The following ASTN2 variants were observed in gnomAD, a reference collection of about 807,000 sequenced individuals.
The protein encoded by ASTN2 is astrotactin-2.
A neutral mutation model predicts 139.8 loss-of-function variants in ASTN2; 54 were observed. The observed-to-expected ratio is 0.39, with a 90% confidence interval of 0.31 to 0.48. The LOEUF (loss-of-function observed/expected upper bound fraction) is 0.48. ASTN2 is among the 20% of genes least tolerant of loss of function. The pLI is 0.95. For synonymous variants in ASTN2, 756 were observed against 719.5 expected (o/e 1.05, Z -0.81); for missense variants, 1,565 against 1,725.1 (o/e 0.91, Z 1.64).
chr9:117,072,178 C>G (rs1347027502), intron 5 of ASTN2, among the ~76,000 whole-genome samples: 2 of 152,194 alleles, frequency 1.3e-5, no homozygotes, highest in Admixed American at 6.5e-5. Flanking sequence ...CAAGATACCC[C>G]CTAGTCCGTT....
intron 3 of ASTN2, among the ~76,000 whole-genome samples, chr9:117,155,103 G>A (rs1335901266): frequency 2.0e-5 from 3 of 151,974 alleles, no homozygotes; most frequent in African/African-American, 7.2e-5. Context: ...AAGCATGTAT[G>A]GAGGCTGCTG....
intron 19 of ASTN2, among the ~76,000 whole-genome samples, chr9:116,520,048 A>T (rs10817901): frequency 6.6e-6 from 1 of 151,904 alleles, no homozygotes; most frequent in African/African-American, 2.4e-5. Flanking sequence ...CAGGACCAGA[A>T]AGATTAACAG....
chr9:116,732,686 G>A (rs1828820333), intron 14 of ASTN2, among the ~76,000 whole-genome samples: 1 of 152,202 alleles, frequency 6.6e-6, no homozygotes, highest in Non-Finnish European at 1.5e-5. Flanking sequence ...TCCTGGGGTT[G>A]GACAGAAAAT....
rs1229735412 is a variant in ASTN2, at chr9:116,424,106, A to C, written c.*1745T>G. 1.3e-5 allele frequency among the ~76,000 whole-genome samples: 2 copies of C among 152,218 alleles called. No individual in the cohort carries two copies. The highest frequency in any genetic ancestry group is 2.9e-5 in the Non-Finnish European group (2 of 68,040). ...TATTTGAGCTAATATGAGGGTGTTA[A>C]GAATTTATAACATCTCTTCATACTC... On this transcript the variant is annotated 3_prime_UTR_variant, in exon 23 of 23. Transcript: ENST00000313400.
intron 10 of ASTN2, among the ~76,000 whole-genome samples, chr9:116,946,897 A>T (rs1189662563): frequency 6.7e-6 from 1 of 149,476 alleles, no homozygotes; most frequent in African/African-American, 2.5e-5. Flanking sequence ...GGACTAGAGG[A>T]TTCAACTAGC....
chr9:117,301,181 A>G (rs1834866970), intron 1 of ASTN2, among the ~76,000 whole-genome samples: 1 of 151,922 alleles, frequency 6.6e-6, no homozygotes, highest in Non-Finnish European at 1.5e-5. Flanking sequence ...TCCTTGCTGT[A>G]TTTCTTTGCT....
chr9:117,179,660 T>G (rs1054061426), intron 3 of ASTN2, among the ~76,000 whole-genome samples: 1 of 152,160 alleles, frequency 6.6e-6, no homozygotes, highest in African/African-American at 2.4e-5. Flanking sequence ...TGTAACGACA[T>G]GAGGGCTTCC....
intron 19 of ASTN2, among the ~76,000 whole-genome samples, chr9:116,529,025 G>C (rs1851212450): frequency 1.3e-5 from 2 of 152,182 alleles, no homozygotes; most frequent in South Asian, 4.1e-4. Flanking sequence ...TGTGGGGTTG[G>C]AGCCCTTACA....
intron 1 of ASTN2, among the ~76,000 whole-genome samples, chr9:117,292,116 G>A (rs146005658): frequency 4.5e-4 from 69 of 152,256 alleles, no homozygotes; most frequent in Middle Eastern, 6.8e-3. Context: ...CCCAAGCAAG[G>A]AAATGTTGGC....
At chr9:117,096,951 C>G (rs4081271) in intron 4 of ASTN2, among the ~76,000 whole-genome samples, 136,206 of 152,230 alleles carry the variant, frequency 0.89, 61,046 homozygotes, top group East Asian at 0.97. Context: ...AGACACACAG[C>G]GGGAGGCCTT....
chr9:116,497,437 C>T (rs1035003977), intron 19 of ASTN2, among the ~76,000 whole-genome samples: 1 of 152,162 alleles, frequency 6.6e-6, no homozygotes, highest in Non-Finnish European at 1.5e-5. Flanking sequence ...AAACCTCTTC[C>T]CTGTGATGCT....
chr9:117,326,588 G>A lies in ASTN2; in HGVS notation c.443-35075C>T, dbSNP rs139437323. Among the ~76,000 whole-genome samples the A allele has an allele frequency of 3.5e-3, 529 of 152,282 alleles. 12 individuals are homozygous for A. Among genetic ancestry groups the A allele is most frequent in the Admixed American group, 0.03 (464 of 15,290 alleles). On this transcript the variant is annotated intron_variant, in intron 1 of 22. Transcript: ENST00000313400. ...AATGTACAAAAGGCTTAATACACAA[G>A]GGACTAAACCATTTCTTGCTTTGAT...
At chr9:117,118,563 C>T (rs1829462318) in intron 4 of ASTN2, among the ~76,000 whole-genome samples, 1 of 152,144 alleles carries the variant, frequency 6.6e-6, no homozygotes, top group Non-Finnish European at 1.5e-5. Flanking sequence ...ATTCCATGCA[C>T]AAAAGTTAGA....
Position 116,805,690 on chromosome 9 carries a change from C to T in ASTN2, c.2338G>A (p.Gly780Ser), listed in dbSNP as rs1249062756. ...NDTLFGEMLHGYNNRTQHVNQ... is the reference protein window; with the variant it reads ...NDTLFGEMLHSYNNRTQHVNQ... Reference sequence around the variant, plus strand: ...ACATGCTGGGTCCGGTTGTTGTAACCATGTAGCATCTCTCCAAAGAGGGTA... The same window carrying T: ...ACATGCTGGGTCCGGTTGTTGTAACTATGTAGCATCTCTCCAAAGAGGGTA... Residue 780 changes from glycine (G) to serine (S), a missense_variant, in exon 13 of 23, where the codon GGT becomes AGT. This residue lies in a region of ASTN2 where 503 missense variants were observed against 591.7 expected (regional missense o/e 0.85). Coordinates refer to ENST00000313400, the MANE Select transcript of ASTN2 (RefSeq NM_001365068.1). 1.2e-6 allele frequency: 2 copies of T among 1,613,914 alleles called. No homozygotes were observed. Among genetic ancestry groups the T allele is most frequent in the South Asian group, 2.2e-5 (2 of 91,066 alleles).
chr9:116,715,649 T>C (rs1828291482), intron 16 of ASTN2, among the ~76,000 whole-genome samples: 1 of 152,166 alleles, frequency 6.6e-6, no homozygotes, highest in South Asian at 2.1e-4. Flanking sequence ...TATCACAGCA[T>C]TTATCAAATT....
intron 19 of ASTN2, among the ~76,000 whole-genome samples, chr9:116,531,219 T>C (rs1263350924): frequency 6.6e-6 from 1 of 152,222 alleles, no homozygotes. Context: ...TCTGGCCTAC[T>C]AGGCTATAAT....
chr9:116,572,453 G>A (rs1443301519), intron 19 of ASTN2, among the ~76,000 whole-genome samples: 1 of 152,202 alleles, frequency 6.6e-6, no homozygotes, highest in Non-Finnish European at 1.5e-5. Flanking sequence ...CTTTAGGAGA[G>A]GAATGGGTAG....
intron 17 of ASTN2, among the ~76,000 whole-genome samples, chr9:116,651,202 C>A (rs1223928768): frequency 6.6e-6 from 1 of 152,094 alleles, no homozygotes; most frequent in African/African-American, 2.4e-5. Context: ...CAGGCATGAG[C>A]CACCATGCCC....
chr9:116,755,068 C>T (rs1028258264), intron 13 of ASTN2, among the ~76,000 whole-genome samples: 2 of 152,146 alleles, frequency 1.3e-5, no homozygotes, highest in African/African-American at 4.8e-5. Flanking sequence ...CATGCCCCTG[C>T]CACCAACTCC....
Sources: gnomAD v4.1 joint callset for allele counts (sites outside exome capture counted in the v4.1 genomes callset) on GRCh38, gnomAD v4.1.1 for gene constraint, gnomAD v4.1.1 regional missense constraint, MANE v1.5 for transcripts, NCBI Gene and HGNC (gene_info 2026-07-23, HGNC 2026-07-21) for gene names.